Variants in DLG2 observed in about 807,000 individuals in gnomAD.
The protein encoded by DLG2 is discs large MAGUK scaffold protein 2.
Under a neutral mutation model 132.5 loss-of-function variants are expected in DLG2, and 45 were observed. That is an observed-to-expected ratio of 0.34 (90% CI 0.27 to 0.44). The LOEUF (loss-of-function observed/expected upper bound fraction) is 0.44. DLG2 is among the 20% of genes least tolerant of loss of function. DLG2 has a pLI of 1.00. For missense variants in DLG2, 1,045 were observed against 1,196.9 expected (o/e 0.87, Z 1.87); for synonymous variants, 424 against 419.6 (o/e 1.01, Z -0.13).
intron 8 of DLG2, among the ~76,000 whole-genome samples, chr11:84,210,465 A>G (rs1231911902): frequency 6.6e-6 from 1 of 150,950 alleles, no homozygotes; most frequent in Non-Finnish European, 1.5e-5. Flanking sequence ...GCAGCGCACC[A>G]GCATGGCACA....
chr11:84,131,275 CT>C (rs2094411027), intron 9 of DLG2, among the ~76,000 whole-genome samples: 2 of 151,934 alleles, frequency 1.3e-5, no homozygotes, highest in South Asian at 4.1e-4. Context: ...AATGAGTCAG[CT>C]TAGATTATTG....
chr11:85,276,447 A>G (rs1403611560), intron 4 of DLG2, among the ~76,000 whole-genome samples: 1 of 152,174 alleles, frequency 6.6e-6, no homozygotes, highest in Non-Finnish European at 1.5e-5. Flanking sequence ...TCCGGTCTCC[A>G]TAATGACTCA....
In DLG2 at chr11:83,797,666, T is replaced by C. The variant is rs146533699; in HGVS notation, c.1723-10874A>G. Reference sequence around the variant, plus strand: ...CCCGAGTAGCTGGGACTACAGGCACTCGCCACCATGCCCAGCTAATTTTAT... The same window carrying C: ...CCCGAGTAGCTGGGACTACAGGCACCCGCCACCATGCCCAGCTAATTTTAT... On this transcript the variant is annotated intron_variant, in intron 17 of 27. Coordinates refer to ENST00000376104, the MANE Select transcript of DLG2 (RefSeq NM_001142699.3). Among the ~76,000 whole-genome samples the C allele has an allele frequency of 1.4e-4, 21 of 152,056 alleles. No homozygotes were observed. The East Asian group carries it at 3.7e-3, about 27-fold the overall frequency.
intron 6 of DLG2, among the ~76,000 whole-genome samples, chr11:84,984,838 C>G (rs1036004087): frequency 2.0e-5 from 3 of 152,082 alleles, no homozygotes; most frequent in Admixed American, 1.3e-4. Flanking sequence ...AGTAGCTAGT[C>G]CTACATCAGA....
intron 4 of DLG2, among the ~76,000 whole-genome samples, chr11:85,165,132 A>T (rs575626538): frequency 6.6e-6 from 1 of 152,210 alleles, no homozygotes; most frequent in African/African-American, 2.4e-5. Context: ...ACGAAGAGAT[A>T]GATGATTCTC....
At chr11:83,747,366 G>C (rs1224309185) in intron 18 of DLG2, among the ~76,000 whole-genome samples, 2 of 131,424 alleles carry the variant, frequency 1.5e-5, no homozygotes, top group African/African-American at 5.9e-5. Flanking sequence ...CTTCCTTCCT[G>C]TCTCTCTCTC....
chr11:84,376,722 AC>A lies in DLG2; in HGVS notation c.520-125432del, dbSNP rs200948726. Among the ~76,000 whole-genome samples, 588 of 151,938 alleles carry A rather than the reference AC, an allele frequency of 3.9e-3. 6 individuals are homozygous for A. The highest frequency in any genetic ancestry group is 0.013 in the African/African-American group (552 of 41,488). ...AACCTAATGGAAAATTAAAAAAAAA[AC>A]AACTCATTTCAGCACAGGAGGTAGC... is the stretch of plus-strand genomic sequence containing the variant. On this transcript the variant is annotated intron_variant, in intron 7 of 27. Coordinates refer to ENST00000376104, the MANE Select transcript of DLG2 (RefSeq NM_001142699.3).
chr11:84,637,819 C>T (rs1324551344), intron 6 of DLG2, among the ~76,000 whole-genome samples: 1 of 152,310 alleles, frequency 6.6e-6, no homozygotes, highest in African/African-American at 2.4e-5. Flanking sequence ...CTCTTCAAAA[C>T]ATGACACCCT....
chr11:84,248,976 T>G (rs980192563), intron 8 of DLG2, among the ~76,000 whole-genome samples: 1 of 152,204 alleles, frequency 6.6e-6, no homozygotes, highest in Non-Finnish European at 1.5e-5. Context: ...GATGAATTTG[T>G]TATTTGCGAC....
At chr11:84,015,710 T>C (rs1272159918) in intron 11 of DLG2, among the ~76,000 whole-genome samples, 1 of 152,206 alleles carries the variant, frequency 6.6e-6, no homozygotes, top group Non-Finnish European at 1.5e-5. Flanking sequence ...GCAAAGGACA[T>C]GACCTCGTTC....
In DLG2 at chr11:84,417,185, C is replaced by T. The variant is rs552181798; in HGVS notation, c.519+117385G>A. On this transcript the variant is annotated intron_variant, in intron 7 of 27. Coordinates refer to ENST00000376104, the MANE Select transcript of DLG2 (RefSeq NM_001142699.3). ...GAGATATGCTGTGGTTTAGCGGAAA[C>T]ACTGAATTTAGACTTTCTGATTGTG... 4.6e-5 allele frequency among the ~76,000 whole-genome samples: 7 copies of T among 152,296 alleles called. No homozygotes were observed. In the South Asian group the frequency reaches 1.5e-3, roughly 32 times the overall value.
At chr11:84,772,255 A>T (rs1240567796) in intron 6 of DLG2, among the ~76,000 whole-genome samples, 3 of 152,130 alleles carry the variant, frequency 2.0e-5, no homozygotes, top group African/African-American at 7.2e-5. Context: ...AACTATCCTA[A>T]ATATATATGC....
At chr11:84,096,321 T>C (rs893425873) in intron 10 of DLG2, among the ~76,000 whole-genome samples, 1 of 152,100 alleles carries the variant, frequency 6.6e-6, no homozygotes, top group African/African-American at 2.4e-5. Flanking sequence ...CTGCACATGA[T>C]AAAATGTCAA....
intron 7 of DLG2, among the ~76,000 whole-genome samples, chr11:84,464,773 A>G (rs2099089563): frequency 6.6e-6 from 1 of 151,188 alleles, no homozygotes; most frequent in Non-Finnish European, 1.5e-5. Context: ...ATAGATATGA[A>G]TAAGAGAAAA....
intron 2 of DLG2, among the ~76,000 whole-genome samples, chr11:85,615,304 G>C (rs1192699935): frequency 6.6e-6 from 1 of 152,188 alleles, no homozygotes; most frequent in Non-Finnish European, 1.5e-5. Flanking sequence ...ATCACTTTGA[G>C]CTCAGGAGTT....
At chr11:83,791,031 G>A (rs1357813867) in intron 17 of DLG2, 43 of 752,762 alleles carry the variant, frequency 5.7e-5, no homozygotes, top group Middle Eastern at 4.9e-4. Flanking sequence ...TTCCTGGCAC[G>A]CGGTCTCAGA....
At chr11:84,645,423 G>C (rs1456020300) in intron 6 of DLG2, among the ~76,000 whole-genome samples, 1 of 152,036 alleles carries the variant, frequency 6.6e-6, no homozygotes, top group African/African-American at 2.4e-5. Context: ...GGTTCTCATC[G>C]AACACAAGGA....
At chr11:84,099,090 C>T (rs2092149269) in intron 9 of DLG2, 43 bp from the exon 10 acceptor site, 1 of 1,588,496 alleles carries the variant, frequency 6.3e-7, no homozygotes, top group Admixed American at 1.7e-5. Context: ...TGTCTGTCAC[C>T]TAAAACCTAG....
chr11:83,471,764 A>G, intron 23 of DLG2, 37 bp from the exon 24 acceptor site: 1 of 1,570,896 alleles, frequency 6.4e-7, no homozygotes, highest in Non-Finnish European at 8.7e-7. Flanking sequence ...GTAAAGAGAA[A>G]GAGTTGGAAA....
Sources: gnomAD v4.1 joint callset for allele counts (sites outside exome capture counted in the v4.1 genomes callset) on GRCh38, gnomAD v4.1.1 for gene constraint, MANE v1.5 for transcripts, NCBI Gene and HGNC (gene_info 2026-07-23, HGNC 2026-07-21) for gene names.